Variants in ST18 observed in about 807,000 individuals in gnomAD.
ST18 encodes ST18 C2H2C-type zinc finger transcription factor, also known as suppression of tumorigenicity 18 protein.
A neutral mutation model predicts 110.0 loss-of-function variants in ST18; 50 were observed. That is an observed-to-expected ratio of 0.45 (90% CI 0.36 to 0.58). The LOEUF (loss-of-function observed/expected upper bound fraction) is 0.58, where lower values mean the gene tolerates loss of function less well. Ranked by LOEUF, ST18 falls within the 20% of genes least tolerant of loss-of-function variation. The pLI is 0.00. For missense variants in ST18, 1,306 were observed against 1,280.1 expected, an observed-to-expected ratio of 1.02 and a Z score of -0.31; for synonymous variants, 461 against 452.4, an observed-to-expected ratio of 1.02 and a Z score of -0.24.
At chr8:52,286,758 G>A (rs16917630) in intron 2 of ST18, among the ~76,000 whole-genome samples, 1 of 150,584 alleles carries the variant, frequency 6.6e-6, no homozygotes, top group Non-Finnish European at 1.5e-5. Context: ...CAAAGCAATG[G>A]TATCTGGCTA....
intron 2 of ST18, among the ~76,000 whole-genome samples, chr8:52,329,189 T>C (rs916723106): frequency 9.2e-5 from 14 of 151,536 alleles, no homozygotes; most frequent in Admixed American, 6.6e-5. Flanking sequence ...CTATGTGTGT[T>C]TCTGGGTGTG....
chr8:52,142,366 C>T (rs1402525636), intron 17 of ST18, among the ~76,000 whole-genome samples: 4 of 152,040 alleles, frequency 2.6e-5, no homozygotes, highest in African/African-American at 9.7e-5. Flanking sequence ...CCTAAGTGGA[C>T]GCGTTACTCC....
intron 2 of ST18, among the ~76,000 whole-genome samples, chr8:52,298,536 T>C (rs945136482): frequency 1.3e-5 from 2 of 152,202 alleles, no homozygotes; most frequent in East Asian, 3.8e-4. Flanking sequence ...ATACCTCACA[T>C]TTATTTTTCT....
rs140331895 is a variant in ST18 at position 52,332,530 on chromosome 8, C to CTT, written c.-465+76796_-465+76797dup. 2.0e-3 allele frequency among the ~76,000 whole-genome samples: 99 copies of CTT among 49,794 alleles called. 2 individuals carry two copies. The highest frequency in any genetic ancestry group is 6.0e-3 in the African/African-American group (92 of 15,252). The allele number at this position is 49,794 out of a possible 152,430, so 32.7% of individuals were successfully genotyped here. A position where few individuals can be genotyped will look rare whatever the true frequency, so the allele number is the denominator to read the frequency against. ...ACTTTCCCAAGAGCATCTAATGTAG[C>CTT]TTTTTTTTTTTTTTTTTTTTTTTTT... On this transcript the variant is annotated intron_variant, in intron 2 of 25. Coordinates refer to ENST00000689386, the MANE Select transcript of ST18 (RefSeq NM_001352837.2).
At chr8:52,253,002 C>T (rs537947355) in intron 2 of ST18, among the ~76,000 whole-genome samples, 51 of 151,588 alleles carry the variant, frequency 3.4e-4, no homozygotes, top group African/African-American at 1.2e-3. Context: ...CGATAGTGCA[C>T]AGAATTATAT....
intron 2 of ST18, among the ~76,000 whole-genome samples, chr8:52,400,446 A>T (rs1297160916): frequency 6.6e-6 from 1 of 152,080 alleles, no homozygotes; most frequent in African/African-American, 2.4e-5. Flanking sequence ...GTATTGACTT[A>T]ACTCTTGCCA....
At chr8:52,386,496 T>C (rs1836832929) in intron 2 of ST18, among the ~76,000 whole-genome samples, 1 of 151,400 alleles carries the variant, frequency 6.6e-6, no homozygotes, top group African/African-American at 2.4e-5. Flanking sequence ...ATGCAATCAA[T>C]TGAGAAAAAC....
At chr8:52,239,656 G>T (rs1455217580) in intron 2 of ST18, among the ~76,000 whole-genome samples, 1 of 152,140 alleles carries the variant, frequency 6.6e-6, no homozygotes, top group African/African-American at 2.4e-5. Context: ...ACATGTATCA[G>T]CTGCTTGCTA....
At chr8:52,281,778 TG>T (rs1305351776) in intron 2 of ST18, among the ~76,000 whole-genome samples, 2 of 152,314 alleles carry the variant, frequency 1.3e-5, no homozygotes, top group Non-Finnish European at 2.9e-5. Context: ...TTATTCTAAG[TG>T]AAGTAACTCA....
chr8:52,239,504 A>C (rs931079246), intron 2 of ST18, among the ~76,000 whole-genome samples: 8 of 152,072 alleles, frequency 5.3e-5, no homozygotes, highest in Admixed American at 6.6e-5. Context: ...GGACCATGGC[A>C]GTCAATTGGG....
chr8:52,158,159 T>C (rs745533772), intron 15 of ST18, among the ~76,000 whole-genome samples: 1 of 152,170 alleles, frequency 6.6e-6, no homozygotes. Context: ...TCAAAGGGCA[T>C]GAAGGATCTT....
chr8:52,116,498 C>A, intron 24 of ST18, 80 bp from the exon 25 acceptor site: 1 of 1,410,804 alleles, frequency 7.1e-7, no homozygotes, highest in Non-Finnish European at 9.7e-7. Flanking sequence ...GGAAAATGCA[C>A]CAAGTGCATC....
At chr8:52,320,988 C>A (rs928272985) in intron 2 of ST18, among the ~76,000 whole-genome samples, 1 of 152,132 alleles carries the variant, frequency 6.6e-6, no homozygotes, top group African/African-American at 2.4e-5. Flanking sequence ...GCTAACTTAC[C>A]TTTGACATCA....
chr8:52,126,954 T>C (rs544643815), intron 22 of ST18, among the ~76,000 whole-genome samples: 19 of 152,384 alleles, frequency 1.2e-4, no homozygotes, highest in Non-Finnish European at 5.9e-5. Context: ...CAGATAATTT[T>C]GTTGTTCTAT....
intron 2 of ST18, among the ~76,000 whole-genome samples, chr8:52,298,222 T>C (rs982702653): frequency 2.6e-5 from 4 of 152,182 alleles, no homozygotes; most frequent in Non-Finnish European, 5.9e-5. Context: ...AGTTATTGGC[T>C]CAAAATTAAT....
At position 52,212,081 on chromosome 8, in the gene ST18, G is replaced by A. The variant is rs2082356554; in HGVS notation, c.84C>T (p.Leu28=). 1.9e-6 allele frequency: 3 copies of A among 1,605,664 alleles called. No individual in the cohort carries two copies. Among genetic ancestry groups the A allele is most frequent in the Admixed American group, 1.7e-5 (1 of 57,490 alleles). Residue 28 remains leucine (L), a splice_region_variant and synonymous_variant, in exon 8 of 26, where the codon CTC becomes CTT. Coordinates refer to ENST00000689386, the MANE Select transcript of ST18 (RefSeq NM_001352837.2). The part of the protein sequence containing the change: ...EVPMDSLIQE[L]SVAYDCSMAK... Reference sequence around the variant, plus strand: ...AAGTAATATAGGGTAAATCTTACCTGAGCTCCTGGATTAGTGAATCCATTG... The same window carrying A: ...AAGTAATATAGGGTAAATCTTACCTAAGCTCCTGGATTAGTGAATCCATTG...
intron 2 of ST18, among the ~76,000 whole-genome samples, chr8:52,365,570 C>T (rs1425631001): frequency 1.3e-5 from 1 of 77,982 alleles, no homozygotes; most frequent in African/African-American, 4.9e-5. Context: ...CTCAGAGCAA[C>T]CAGAAACTAG....
At chr8:52,168,732 G>T (rs778611020) in intron 10 of ST18, among the ~76,000 whole-genome samples, 9 of 152,208 alleles carry the variant, frequency 5.9e-5, no homozygotes, top group Admixed American at 3.9e-4. Flanking sequence ...TCTGCATTTC[G>T]TAATAGACAA....
At chr8:52,149,653 AT>A (rs1176624447) in intron 16 of ST18, 78 bp downstream of exon 16, 26 of 1,514,528 alleles carry the variant, frequency 1.7e-5, no homozygotes, top group African/African-American at 2.8e-5. Flanking sequence ...AATGTGAAAT[AT>A]AATTTAGGAG....
Sources: gnomAD v4.1 joint callset for allele counts (sites outside exome capture counted in the v4.1 genomes callset) on GRCh38, gnomAD v4.1.1 for gene constraint, MANE v1.5 for transcripts, NCBI Gene and HGNC (gene_info 2026-07-23, HGNC 2026-07-21) for gene names.